Variants in AGBL1 observed in about 807,000 individuals in gnomAD.
AGBL1 encodes AGBL carboxypeptidase 1, also known as cytosolic carboxypeptidase 4.
Under a neutral mutation model 118.9 loss-of-function variants are expected in AGBL1, and 130 were observed. That is an observed-to-expected ratio of 1.09 (90% CI 0.95 to 1.26). The LOEUF (loss-of-function observed/expected upper bound fraction) is 1.26. AGBL1 is among the 50% of genes most tolerant of loss of function. AGBL1 has a pLI of 0.00. For missense variants in AGBL1, 1,584 were observed against 1,298.1 expected, an observed-to-expected ratio of 1.22 and a Z score of -3.38; for synonymous variants, 555 against 478.9, an observed-to-expected ratio of 1.16 and a Z score of -2.08.
chr15:86,797,120 A>C (rs1268191313), intron 22 of AGBL1, among the ~76,000 whole-genome samples: 1 of 152,212 alleles, frequency 6.6e-6, no homozygotes, highest in Non-Finnish European at 1.5e-5. Flanking sequence ...AGGACCTCTG[A>C]AGATTAAATT....
At chr15:86,423,247 T>C (rs1246985861) in intron 18 of AGBL1, among the ~76,000 whole-genome samples, 4 of 152,174 alleles carry the variant, frequency 2.6e-5, no homozygotes, top group Non-Finnish European at 5.9e-5. Context: ...CACGATAAAG[T>C]CACCTTCATC....
chr15:86,341,198 G>A (rs964159309), intron 17 of AGBL1, among the ~76,000 whole-genome samples: 3 of 152,184 alleles, frequency 2.0e-5, no homozygotes, highest in African/African-American at 7.2e-5. Flanking sequence ...TGGAAGTCTA[G>A]TCTCCCTGGG....
chr15:86,632,129 G>T (rs1283694576), intron 21 of AGBL1, among the ~76,000 whole-genome samples: 1 of 151,640 alleles, frequency 6.6e-6, no homozygotes, highest in Non-Finnish European at 1.5e-5. Flanking sequence ...TTAACCAGGT[G>T]TGGTGGCTCA....
chr15:86,168,013 T>G (rs2077365532), intron 5 of AGBL1, among the ~76,000 whole-genome samples: 1 of 152,244 alleles, frequency 6.6e-6, no homozygotes, highest in South Asian at 2.1e-4. Flanking sequence ...AGGTATTCAA[T>G]AAATGCCAGT....
chr15:86,815,384 G>A (rs937817530), intron 22 of AGBL1, among the ~76,000 whole-genome samples: 2 of 152,170 alleles, frequency 1.3e-5, no homozygotes, highest in Non-Finnish European at 2.9e-5. Context: ...TGGTGTTGGT[G>A]TTCTGCTCTG....
intron 22 of AGBL1, among the ~76,000 whole-genome samples, chr15:86,724,537 G>C (rs1243186235): frequency 6.6e-6 from 1 of 152,258 alleles, no homozygotes; most frequent in South Asian, 2.1e-4. Flanking sequence ...AGGGGGCAAG[G>C]GTAGAGGTAA....
At chr15:86,674,475 G>T (rs767022221) in intron 22 of AGBL1, 39 bp downstream of exon 22, 3 of 1,578,758 alleles carry the variant, frequency 1.9e-6, no homozygotes, top group Non-Finnish European at 2.6e-6. Flanking sequence ...TTTGGACCTT[G>T]GTGGTTCCAT....
chr15:86,296,796 G>A (rs1567184737), intron 17 of AGBL1: 1 of 152,188 alleles, frequency 6.6e-6, no homozygotes, highest in Non-Finnish European at 1.5e-5. Flanking sequence ...GATGAGCAGT[G>A]CTTGGGAGCT....
intron 19 of AGBL1, among the ~76,000 whole-genome samples, chr15:86,527,039 A>ACAATCTTTT (rs1192436025): frequency 5.3e-5 from 8 of 152,174 alleles, no homozygotes; most frequent in South Asian, 2.1e-4. Flanking sequence ...CTGAAAATGT[A>ACAATCTTTT]CAATCTTTTC....
chr15:86,515,945 T>C (rs1596212275), intron 18 of AGBL1, among the ~76,000 whole-genome samples: 1 of 152,284 alleles, frequency 6.6e-6, no homozygotes. Flanking sequence ...GAGATAGCAA[T>C]TAATATGTGT....
chr15:87,013,653 T>G (rs1206492220), intron 24 of AGBL1, among the ~76,000 whole-genome samples: 1 of 152,190 alleles, frequency 6.6e-6, no homozygotes, highest in South Asian at 2.1e-4. Flanking sequence ...CTGGGTCCAG[T>G]TGGTTACGAG....
chr15:86,546,091 C>G lies in AGBL1; in HGVS notation c.2775C>G (p.Cys925Trp). 6.2e-7 allele frequency: 1 copy of G among 1,613,422 alleles called. No homozygotes were observed. The highest frequency in any genetic ancestry group is 8.5e-7 in the Non-Finnish European group (1 of 1,179,586). The change falls in exon 20 of 23, where the codon TGC becomes TGG. Residue 925 changes from cysteine to tryptophan, a missense_variant. By Grantham distance (215) the Cys-to-Trp change is radical. Coordinates refer to ENST00000614907, the MANE Select transcript of AGBL1 (RefSeq NM_001386094.1). ...AGGAAACCTTGTGGCAAGCAGCATG[C>G]ACTGTGGGCACATCTACTATCCTAG... ...SIKETLWQAA[C>W]TVGTSTILEE... is the part of the protein sequence containing the mutation.
intron 18 of AGBL1, among the ~76,000 whole-genome samples, chr15:86,434,323 T>C (rs1031943706): frequency 5.9e-5 from 9 of 152,246 alleles, no homozygotes; most frequent in African/African-American, 2.2e-4. Flanking sequence ...TTACACTGAA[T>C]TCAATAATGT....
intron 5 of AGBL1, among the ~76,000 whole-genome samples, chr15:86,160,213 G>C (rs759789363): frequency 1.4e-4 from 21 of 150,080 alleles, no homozygotes; most frequent in Admixed American, 1.0e-3. Context: ...TTGCAAGGTG[G>C]AATTCAATTA....
intron 5 of AGBL1, among the ~76,000 whole-genome samples, chr15:86,182,738 T>A (rs575482720): frequency 1.0e-3 from 154 of 152,274 alleles, no homozygotes; most frequent in African/African-American, 3.6e-3. Context: ...TAAGTCACAT[T>A]GGATTATGCT....
At chr15:86,394,275 G>C (rs1422872420) in intron 17 of AGBL1, among the ~76,000 whole-genome samples, 1 of 152,084 alleles carries the variant, frequency 6.6e-6, no homozygotes, top group African/African-American at 2.4e-5. Flanking sequence ...AATAATTTCA[G>C]AATTCGTTTT....
At chr15:86,944,474 C>T (rs577513441) in intron 23 of AGBL1, among the ~76,000 whole-genome samples, 30 of 152,164 alleles carry the variant, frequency 2.0e-4, no homozygotes, top group Admixed American at 8.5e-4. Context: ...ACATACTGAG[C>T]TGAGTTAGGG....
chr15:86,888,484 TTAGC>T (rs2080004446), intron 22 of AGBL1, among the ~76,000 whole-genome samples: 1 of 152,192 alleles, frequency 6.6e-6, no homozygotes, highest in Admixed American at 6.5e-5. Flanking sequence ...GCGAGGTTTG[TTAGC>T]TAGAATTATA....
intron 17 of AGBL1, among the ~76,000 whole-genome samples, chr15:86,304,287 G>C (rs1052224252): frequency 6.6e-6 from 1 of 151,890 alleles, no homozygotes; most frequent in African/African-American, 2.4e-5. Flanking sequence ...ACCTCCACTG[G>C]GTCTCTATAT....
Sources: allele counts gnomAD v4.1 joint callset (sites outside exome capture counted in the v4.1 genomes callset), GRCh38; gene constraint gnomAD v4.1.1; transcripts MANE v1.5; gene names NCBI Gene and HGNC (gene_info 2026-07-23, HGNC 2026-07-21).